Variants in GUCY1A2 observed in about 807,000 individuals in gnomAD.
GUCY1A2 encodes guanylate cyclase 1 soluble subunit alpha 2, also known as guanylate cyclase soluble subunit alpha-2.
In GUCY1A2, 27 loss-of-function variants were observed where a neutral mutation model predicts 63.5. That is an observed-to-expected ratio of 0.43 (90% CI 0.31 to 0.59). The LOEUF is 0.59. Among genes scored for constraint, GUCY1A2 ranks in the 20% least tolerant of loss-of-function variants. GUCY1A2 has a pLI of 0.11. For missense variants in GUCY1A2, 768 were observed against 913.3 expected (o/e 0.84, Z 2.05); for synonymous variants, 364 against 343.5 (o/e 1.06, Z -0.66).
chr11:106,932,367 A>T (rs1197511632), intron 4 of GUCY1A2, among the ~76,000 whole-genome samples: 2 of 151,350 alleles, frequency 1.3e-5, no homozygotes, highest in East Asian at 3.8e-4. Context: ...GAACAATGCC[A>T]TTAAGCCTCC....
chr11:106,895,834 T>G (rs1226754733), intron 4 of GUCY1A2, among the ~76,000 whole-genome samples: 1 of 151,854 alleles, frequency 6.6e-6, no homozygotes, highest in African/African-American at 2.4e-5. Context: ...TCTTATAACA[T>G]AAATGCAAAA....
chr11:106,923,687 T>C (rs995068551), intron 4 of GUCY1A2, among the ~76,000 whole-genome samples: 1 of 152,078 alleles, frequency 6.6e-6, no homozygotes, highest in African/African-American at 2.4e-5. Flanking sequence ...GGTAACAATA[T>C]ATGAAAACTA....
chr11:106,749,378 T>C (rs1475097571), intron 6 of GUCY1A2, among the ~76,000 whole-genome samples: 3 of 152,066 alleles, frequency 2.0e-5, no homozygotes, highest in South Asian at 2.1e-4. Flanking sequence ...AAGTTCTCCT[T>C]TGGGCTGCGG....
intron 5 of GUCY1A2, among the ~76,000 whole-genome samples, chr11:106,806,483 A>C (rs921300526): frequency 6.6e-6 from 1 of 152,214 alleles, no homozygotes; most frequent in African/African-American, 2.4e-5. Context: ...AACAAAGCAA[A>C]ATGTACATGA....
At chr11:106,890,063 C>T (rs1323638783) in intron 4 of GUCY1A2, among the ~76,000 whole-genome samples, 1 of 152,116 alleles carries the variant, frequency 6.6e-6, no homozygotes, top group Non-Finnish European at 1.5e-5. Context: ...GTCACTTCAC[C>T]TGGCCCATGC....
Position 107,018,329 on chromosome 11 carries a change from C to G in GUCY1A2, c.-274G>C, listed in dbSNP as rs1236782143. 1 of 146,840 alleles carries G rather than the reference C, an allele frequency of 6.8e-6. No homozygotes were observed. Among genetic ancestry groups the G allele is most frequent in the African/African-American group, 2.5e-5 (1 of 40,682 alleles). The allele number at this position is 146,840 out of a possible 1,614,324, so 9.1% of individuals were successfully genotyped here. A position where few individuals can be genotyped will look rare whatever the true frequency, so the allele number is the denominator to read the frequency against. On this transcript the variant is annotated 5_prime_UTR_variant, in exon 1 of 8. Transcript: ENST00000526355. ...GGCCGCCGCCGCCTCTGCTGCTGCT[C>G]GCGCGGCGCCGCCTCAGCGCCCGCC... is the stretch of plus-strand genomic sequence containing the variant.
In GUCY1A2 at chr11:106,911,645, T is replaced by C. The variant is rs188230602; in HGVS notation, c.1206+27815A>G. Among the ~76,000 whole-genome samples, 3 of 152,162 alleles carry C rather than the reference T, an allele frequency of 2.0e-5. No individual in the cohort carries two copies. In the East Asian group the frequency reaches 5.8e-4, roughly 29 times the overall value. On this transcript the variant is annotated intron_variant, in intron 4 of 7. Transcript: ENST00000526355. ...GAGAGTTTCACAAAATGATACTAAG[T>C]TGTATGCACAGCACCTAATATTTTT... is the stretch of plus-strand genomic sequence containing the variant.
chr11:106,764,628 A>G (rs1864126661), intron 6 of GUCY1A2, among the ~76,000 whole-genome samples: 1 of 152,102 alleles, frequency 6.6e-6, no homozygotes, highest in African/African-American at 2.4e-5. Context: ...ATACAGGTGT[A>G]TGTGTATATG....
intron 6 of GUCY1A2, among the ~76,000 whole-genome samples, chr11:106,772,239 T>G (rs60627392): frequency 0.025 from 3,793 of 152,268 alleles, 159 homozygotes; most frequent in East Asian, 0.12. Context: ...ATACAAATTA[T>G]CAATTTACTT....
In GUCY1A2 at chr11:106,682,139, T is replaced by C; in HGVS notation, c.*5410A>G. ...ATGCTTATCAGTGTTGACGTCTGTC[T>C]CTAAGTTTGAAGATTCATGCTCAGA... On this transcript the variant is annotated 3_prime_UTR_variant, in exon 8 of 8. Coordinates refer to ENST00000526355, the MANE Select transcript of GUCY1A2 (RefSeq NM_000855.3). 4.7e-6 allele frequency: 1 copy of C among 211,426 alleles called. No homozygotes were observed. Among genetic ancestry groups the C allele is most frequent in the East Asian group, 7.0e-5 (1 of 14,378 alleles). 13.1% of individuals were successfully genotyped at this position (211,426 alleles called of 1,614,324 possible). A position where few individuals can be genotyped will look rare whatever the true frequency, so the allele number is the denominator to read the frequency against.
chr11:106,964,728 C>A (rs1861104444), intron 3 of GUCY1A2, among the ~76,000 whole-genome samples: 1 of 152,078 alleles, frequency 6.6e-6, no homozygotes, highest in East Asian at 1.9e-4. Context: ...GCCTGTAATC[C>A]CAGCACTTTG....
At chr11:106,893,104 C>T (rs1859996914) in intron 4 of GUCY1A2, among the ~76,000 whole-genome samples, 1 of 152,094 alleles carries the variant, frequency 6.6e-6, no homozygotes, top group South Asian at 2.1e-4. Flanking sequence ...TTAAGGGGAG[C>T]TTTAAAGGTA....
chr11:106,783,645 G>A (rs527773992), intron 5 of GUCY1A2, among the ~76,000 whole-genome samples: 60 of 152,188 alleles, frequency 3.9e-4, no homozygotes, highest in Non-Finnish European at 2.9e-4. Context: ...TGACTGGAAT[G>A]AAAGGAAATC....
intron 5 of GUCY1A2, among the ~76,000 whole-genome samples, chr11:106,792,114 G>A (rs528345766): frequency 3.6e-4 from 55 of 152,252 alleles, no homozygotes; most frequent in Non-Finnish European, 6.9e-4. Context: ...ACAGCCGGGC[G>A]TGGTGGCTCA....
At chr11:106,834,684 G>A (rs1859094683) in intron 4 of GUCY1A2, among the ~76,000 whole-genome samples, 1 of 151,976 alleles carries the variant, frequency 6.6e-6, no homozygotes, top group Admixed American at 6.6e-5. Context: ...AATAGGTGAG[G>A]AAAATCTCCA....
intron 4 of GUCY1A2, among the ~76,000 whole-genome samples, chr11:106,859,562 G>C (rs913859158): frequency 6.6e-6 from 1 of 151,924 alleles, no homozygotes; most frequent in Non-Finnish European, 1.5e-5. Flanking sequence ...TAGTCAGACA[G>C]ATTCCTGTTC....
intron 3 of GUCY1A2, among the ~76,000 whole-genome samples, chr11:106,966,658 A>G (rs1192808508): frequency 1.3e-5 from 2 of 152,224 alleles, no homozygotes; most frequent in Non-Finnish European, 2.9e-5. Context: ...TCTGTGGATT[A>G]ATCAATCTTT....
intron 4 of GUCY1A2, among the ~76,000 whole-genome samples, chr11:106,901,032 C>T (rs1208547709): frequency 6.6e-6 from 1 of 152,144 alleles, no homozygotes; most frequent in African/African-American, 2.4e-5. Context: ...CTCTAACATG[C>T]AATGATATTT....
chr11:106,917,792 G>A (rs1463597746), intron 4 of GUCY1A2, among the ~76,000 whole-genome samples: 1 of 95,202 alleles, frequency 1.1e-5, no homozygotes, highest in African/African-American at 3.5e-5. Context: ...GGGGCCTGTT[G>A]TGGGGTGGGG....
Sources: gnomAD v4.1 joint callset for allele counts (sites outside exome capture counted in the v4.1 genomes callset) on GRCh38, gnomAD v4.1.1 for gene constraint, MANE v1.5 for transcripts, NCBI Gene and HGNC (gene_info 2026-07-23, HGNC 2026-07-21) for gene names.